FAM171B: variants seen among roughly 807,000 people sequenced by gnomAD.
The protein encoded by FAM171B is family with sequence similarity 171 member B, also known as protein FAM171B.
A neutral mutation model predicts 75.6 loss-of-function variants in FAM171B; 19 were observed. The observed-to-expected ratio is 0.25, with a 90% CI of 0.18 to 0.37. The LOEUF (loss-of-function observed/expected upper bound fraction) is 0.37. Ranked by LOEUF, FAM171B falls within the 10% of genes least tolerant of loss-of-function variation. The pLI is 1.00. For synonymous variants in FAM171B, 367 were observed against 361.7 expected, an observed-to-expected ratio of 1.01 and a Z score of -0.17; for missense variants, 848 against 982.4, an observed-to-expected ratio of 0.86 and a Z score of 1.83.
rs1309542394 is a variant in FAM171B at position 186,721,456 on chromosome 2, A to C, written c.239-18772A>C. On this transcript the variant is annotated intron_variant, in intron 1 of 7. Coordinates refer to ENST00000304698, the MANE Select transcript of FAM171B (RefSeq NM_177454.4). ...AAGCAATCAGTCATGCATTCAGAAA[A>C]TAAACGTGTATTTAGAATACTAAAT... Among the ~76,000 whole-genome samples, 3 of 152,208 alleles carry C rather than the reference A, an allele frequency of 2.0e-5. No homozygotes were observed. The East Asian group carries it at 5.8e-4, about 29-fold the overall frequency.
chr2:186,704,792 G>A (rs775652468), intron 1 of FAM171B, among the ~76,000 whole-genome samples: 9 of 152,180 alleles, frequency 5.9e-5, no homozygotes, highest in Non-Finnish European at 1.0e-4. Context: ...TCTATGCATC[G>A]ATAAAGCTTG....
At chr2:186,702,774 T>C (rs1689681103) in intron 1 of FAM171B, among the ~76,000 whole-genome samples, 1 of 152,124 alleles carries the variant, frequency 6.6e-6, no homozygotes, top group African/African-American at 2.4e-5. Context: ...CATGCCTCAG[T>C]AATGTATTAC....
intron 1 of FAM171B, among the ~76,000 whole-genome samples, chr2:186,734,868 A>C (rs1166070110): frequency 1.3e-5 from 2 of 152,210 alleles, no homozygotes; most frequent in Non-Finnish European, 2.9e-5. Context: ...GTGTGTGCAC[A>C]TCCAGCTGGG....
chr2:186,749,110 G>A (rs1690414176), intron 4 of FAM171B, among the ~76,000 whole-genome samples: 1 of 152,192 alleles, frequency 6.6e-6, no homozygotes, highest in African/African-American at 2.4e-5. Context: ...TGTGGCTGTT[G>A]TGCTCTTGAA....
intron 1 of FAM171B, among the ~76,000 whole-genome samples, chr2:186,730,565 A>G (rs1460401447): frequency 6.6e-6 from 1 of 152,200 alleles, no homozygotes; most frequent in Admixed American, 6.5e-5. Flanking sequence ...AGATATAGAT[A>G]TAGGTGATCT....
intron 1 of FAM171B, among the ~76,000 whole-genome samples, chr2:186,728,535 T>G (rs1200580408): frequency 6.6e-6 from 1 of 152,238 alleles, no homozygotes; most frequent in Non-Finnish European, 1.5e-5. Context: ...TATTCCACTA[T>G]ATTTTTGTGT....
rs1004739323 is a variant in FAM171B at position 186,745,537 on chromosome 2, GGTGACCCA to G, written c.566-1554_566-1547del. On this transcript the variant is annotated intron_variant, in intron 3 of 7. Coordinates refer to ENST00000304698, the MANE Select transcript of FAM171B (RefSeq NM_177454.4). ...CTTTTACTGTCTCATTTTCCTAAAAGGTGACCCATTTGTAAGGCCAGGCAGGAAAGTAT... is the reference window on the plus strand; with the variant it reads ...CTTTTACTGTCTCATTTTCCTAAAAGTTTGTAAGGCCAGGCAGGAAAGTAT... Among the ~76,000 whole-genome samples, 41 of 152,308 alleles carry G rather than the reference GGTGACCCA, an allele frequency of 2.7e-4. 1 individual carries two copies. The highest frequency in any genetic ancestry group is 3.4e-3 in the Middle Eastern group (1 of 294).
At chr2:186,699,244 G>A (rs759980873) in intron 1 of FAM171B, among the ~76,000 whole-genome samples, 1 of 152,026 alleles carries the variant, frequency 6.6e-6, no homozygotes, top group Admixed American at 6.6e-5. Flanking sequence ...ATTCCCACCA[G>A]TGGTGTACAA....
chr2:186,755,234 C>G (rs1160627525), intron 6 of FAM171B, among the ~76,000 whole-genome samples: 1 of 152,150 alleles, frequency 6.6e-6, no homozygotes, highest in African/African-American at 2.4e-5. Context: ...TGGGCCTTTT[C>G]AGTATGTGTT....
intron 1 of FAM171B, among the ~76,000 whole-genome samples, chr2:186,738,031 G>A (rs557647850): frequency 1.3e-5 from 2 of 152,274 alleles, no homozygotes; most frequent in African/African-American, 4.8e-5. Flanking sequence ...GTTGGGTGCT[G>A]GCATCTAGAC....
In FAM171B at chr2:186,707,567, T is replaced by C. The variant is rs77483446; in HGVS notation, c.238+13156T>C. On this transcript the variant is annotated intron_variant, in intron 1 of 7. Coordinates refer to ENST00000304698, the MANE Select transcript of FAM171B (RefSeq NM_177454.4). ...TATTTTTAAGTACACATTAGTTACA[T>C]TGAGAACCAAGTCAAAAATCGTAAT... Among the ~76,000 whole-genome samples, 1,348 of 152,292 alleles carry C rather than the reference T, an allele frequency of 8.9e-3. 26 individuals carry two copies. Among genetic ancestry groups the C allele is most frequent in the African/African-American group, 0.031 (1,281 of 41,572 alleles).
chr2:186,743,648 C>A, intron 3 of FAM171B, 73 bp downstream of exon 3: 2 of 1,028,092 alleles, frequency 1.9e-6, no homozygotes, highest in Admixed American at 1.9e-5. Context: ...CACTAAGAAT[C>A]AGTGTGAATT....
At chr2:186,727,074 C>G (rs965114510) in intron 1 of FAM171B, among the ~76,000 whole-genome samples, 1 of 152,102 alleles carries the variant, frequency 6.6e-6, no homozygotes, top group Non-Finnish European at 1.5e-5. Flanking sequence ...TCTCTCCCCC[C>G]ACCCCCTTCA....
intron 1 of FAM171B, among the ~76,000 whole-genome samples, chr2:186,730,032 C>T (rs1690090847): frequency 6.6e-6 from 1 of 152,148 alleles, no homozygotes; most frequent in Admixed American, 6.5e-5. Flanking sequence ...CACGATCTCA[C>T]CTCACTGCAA....
chr2:186,694,696 T>A (rs1216981549), intron 1 of FAM171B, among the ~76,000 whole-genome samples: 6 of 151,384 alleles, frequency 4.0e-5, no homozygotes, highest in Admixed American at 4.0e-4. Flanking sequence ...TTGATCTTTT[T>A]CTTTTCCCTC....
In FAM171B at chr2:186,694,105, C is replaced by T. The variant is rs565291005; in HGVS notation, c.-69C>T. ...CGAGCGAGCGGGCGCTGCCAGGAGC[C>T]CGCAGCCCTGGCGCCCGCCGCCGCC... On this transcript the variant is annotated 5_prime_UTR_variant, in exon 1 of 8. Transcript: ENST00000304698. 3.6e-6 allele frequency: 5 copies of T among 1,403,862 alleles called. No homozygotes were observed. The East Asian group carries it at 1.4e-4, about 40-fold the overall frequency. 87.0% of individuals were successfully genotyped at this position (1,403,862 alleles called of 1,614,324 possible).
At chr2:186,742,682 C>A (rs1040192151) in intron 2 of FAM171B, among the ~76,000 whole-genome samples, 1 of 152,114 alleles carries the variant, frequency 6.6e-6, no homozygotes, top group Non-Finnish European at 1.5e-5. Flanking sequence ...AGATATCAAA[C>A]GAGAACTCGT....
intron 1 of FAM171B, among the ~76,000 whole-genome samples, chr2:186,735,061 C>T (rs976586117): frequency 2.0e-5 from 3 of 152,202 alleles, no homozygotes; most frequent in Non-Finnish European, 4.4e-5. Context: ...GCAGCTGTGC[C>T]CAGGAGTGTG....
At chr2:186,759,265 T>C (rs1417102316) in intron 6 of FAM171B, among the ~76,000 whole-genome samples, 3 of 152,178 alleles carry the variant, frequency 2.0e-5, no homozygotes, top group Non-Finnish European at 4.4e-5. Context: ...AACATGGGCA[T>C]GCAGATATCT....
Sources: allele counts gnomAD v4.1 joint callset (sites outside exome capture counted in the v4.1 genomes callset), GRCh38; gene constraint gnomAD v4.1.1; transcripts MANE v1.5; gene names NCBI Gene and HGNC (gene_info 2026-07-23, HGNC 2026-07-21).